The following ERBB4 variants were observed in gnomAD, a reference collection of about 807,000 sequenced individuals.
The protein encoded by ERBB4 is erb-b2 receptor tyrosine kinase 4.
ERBB4 carries 42 observed loss-of-function variants against 158.0 expected under a neutral mutation model. The ratio of observed to expected loss-of-function variants is 0.27; its 90% CI spans 0.21 to 0.34. The LOEUF (loss-of-function observed/expected upper bound fraction) is 0.34, where lower values mean the gene tolerates loss of function less well. ERBB4 is among the 10% of genes least tolerant of loss of function. ERBB4 has a pLI of 1.00. For missense variants in ERBB4, 1,333 were observed against 1,624.1 expected (o/e 0.82, Z 3.08); for synonymous variants, 583 against 558.7 (o/e 1.04, Z -0.61).
chr2:211,377,082 T>C lies in ERBB4; in HGVS notation c.*6533A>G, dbSNP rs1284177589. Reference sequence around the variant, plus strand: ...ATTACTGGAGTAATCCCAAAAGGGTTCTTGGAGTGCTATGGTTGTAGTCCC... The same window carrying C: ...ATTACTGGAGTAATCCCAAAAGGGTCCTTGGAGTGCTATGGTTGTAGTCCC... On this transcript the variant is annotated 3_prime_UTR_variant, in exon 28 of 28. Coordinates refer to ENST00000342788, the MANE Select transcript of ERBB4 (RefSeq NM_005235.3). 1 of 232,966 alleles carries C rather than the reference T, an allele frequency of 4.3e-6. No individual in the cohort carries two copies. Among genetic ancestry groups the C allele is most frequent in the Non-Finnish European group, 8.5e-6 (1 of 117,676 alleles). The allele number at this position is 232,966 out of a possible 1,614,324, so 14.4% of individuals were successfully genotyped here. A position where few individuals can be genotyped will look rare whatever the true frequency, so the allele number is the denominator to read the frequency against.
chr2:211,958,148 A>G (rs943022927), intron 2 of ERBB4, among the ~76,000 whole-genome samples: 2 of 152,124 alleles, frequency 1.3e-5, no homozygotes, highest in African/African-American at 4.8e-5. Flanking sequence ...TTGGCCATAA[A>G]AAACACAAAG....
At chr2:211,506,273 T>C (rs139074631) in intron 20 of ERBB4, among the ~76,000 whole-genome samples, 109 of 152,186 alleles carry the variant, frequency 7.2e-4, no homozygotes, top group African/African-American at 2.6e-3. Flanking sequence ...CAAATGCTAC[T>C]AGACCCAAGA....
intron 1 of ERBB4, among the ~76,000 whole-genome samples, chr2:212,444,273 C>T (rs2092308357): frequency 6.6e-6 from 1 of 152,180 alleles, no homozygotes; most frequent in African/African-American, 2.4e-5. Flanking sequence ...TAGGATAACC[C>T]TGAAGGACAG....
At chr2:211,499,320 C>T (rs542157893) in intron 20 of ERBB4, among the ~76,000 whole-genome samples, 2 of 151,986 alleles carry the variant, frequency 1.3e-5, no homozygotes, top group Admixed American at 6.6e-5. Context: ...GTCAGGAGAT[C>T]GAGACCATCC....
At chr2:211,878,013 A>G (rs1287044553) in intron 3 of ERBB4, among the ~76,000 whole-genome samples, 1 of 152,036 alleles carries the variant, frequency 6.6e-6, no homozygotes, top group Admixed American at 6.6e-5. Context: ...GAGGCTGAGG[A>G]AGCAGAATAT....
intron 4 of ERBB4, among the ~76,000 whole-genome samples, chr2:211,775,010 T>G (rs1226657949): frequency 6.6e-6 from 1 of 152,196 alleles, no homozygotes; most frequent in Non-Finnish European, 1.5e-5. Context: ...TGGCTGCTTT[T>G]GGGCCAACTG....
chr2:212,014,600 G>T (rs191673807), intron 2 of ERBB4, among the ~76,000 whole-genome samples: 82 of 152,060 alleles, frequency 5.4e-4, no homozygotes, highest in Middle Eastern at 3.4e-3. Context: ...TCAAATCTGG[G>T]CATTTATTTT....
intron 25 of ERBB4, among the ~76,000 whole-genome samples, chr2:211,398,003 T>C (rs1398225483): frequency 6.6e-6 from 1 of 152,148 alleles, no homozygotes; most frequent in Non-Finnish European, 1.5e-5. Flanking sequence ...GTCATACCCA[T>C]ATAACTAACA....
chr2:211,970,277 A>C (rs946430146), intron 2 of ERBB4, among the ~76,000 whole-genome samples: 1 of 152,246 alleles, frequency 6.6e-6, no homozygotes, highest in African/African-American at 2.4e-5. Context: ...GTTCTTTTGC[A>C]TTTACTGAGG....
At chr2:212,238,425 C>A (rs2083959263) in intron 1 of ERBB4, among the ~76,000 whole-genome samples, 1 of 152,142 alleles carries the variant, frequency 6.6e-6, no homozygotes, top group Non-Finnish European at 1.5e-5. Context: ...TAACCAGTCC[C>A]AGTGAGATGA....
At chr2:211,500,626 A>G (rs183040935) in intron 20 of ERBB4, among the ~76,000 whole-genome samples, 71 of 152,246 alleles carry the variant, frequency 4.7e-4, no homozygotes, top group African/African-American at 1.6e-3. Context: ...TACGAAATGA[A>G]AATGAAACAT....
At chr2:211,849,654 CTTTCT>C in intron 3 of ERBB4, among the ~76,000 whole-genome samples, 1 of 151,954 alleles carries the variant, frequency 6.6e-6, no homozygotes, top group East Asian at 1.9e-4. Flanking sequence ...CATTATTTTT[CTTTCT>C]TTTAAGGCAA....
intron 2 of ERBB4, among the ~76,000 whole-genome samples, chr2:212,036,997 G>A (rs947822711): frequency 2.0e-5 from 3 of 152,228 alleles, no homozygotes; most frequent in South Asian, 4.1e-4. Flanking sequence ...GCTATTTCTA[G>A]GCAAAAGAAA....
At chr2:212,172,719 G>C (rs376304611) in intron 1 of ERBB4, among the ~76,000 whole-genome samples, 3 of 151,986 alleles carry the variant, frequency 2.0e-5, no homozygotes, top group African/African-American at 7.2e-5. Context: ...CTTATAAGTG[G>C]GAGCTAAATG....
Position 211,947,372 on chromosome 2 carries a change from T to C in ERBB4, c.421+58A>G, listed in dbSNP as rs839541. On this transcript the variant is annotated intron_variant, in intron 3 of 27. Coordinates refer to ENST00000342788, the MANE Select transcript of ERBB4 (RefSeq NM_005235.3). ...ACAAATATGACAGTAACCCTACATATACAATTGCCTTATATTGATAATGAA... is the reference window on the plus strand; with the variant it reads ...ACAAATATGACAGTAACCCTACATACACAATTGCCTTATATTGATAATGAA... 355,732 of 1,355,306 alleles carry C rather than the reference T, an allele frequency of 0.26. 50,225 individuals carry two copies. Among genetic ancestry groups the C allele is most frequent in the South Asian group, 0.41 (35,141 of 84,968 alleles). The allele number at this position is 1,355,306 out of a possible 1,614,324, so 84.0% of individuals were successfully genotyped here. A position where few individuals can be genotyped will look rare whatever the true frequency, so the allele number is the denominator to read the frequency against.
chr2:211,516,654 C>T (rs2066042500), intron 20 of ERBB4, among the ~76,000 whole-genome samples: 1 of 152,026 alleles, frequency 6.6e-6, no homozygotes, highest in African/African-American at 2.4e-5. Context: ...TTTATTTCAT[C>T]CTTAACTACT....
intron 20 of ERBB4, among the ~76,000 whole-genome samples, chr2:211,446,598 T>G (rs1380571594): frequency 1.3e-5 from 2 of 152,150 alleles, no homozygotes; most frequent in African/African-American, 4.8e-5. Context: ...CACCAACAAA[T>G]GCATGGGATC....
At chr2:212,381,355 G>A (rs12994616) in intron 1 of ERBB4, among the ~76,000 whole-genome samples, 28,477 of 151,096 alleles carry the variant, frequency 0.19, 2,886 homozygotes, top group South Asian at 0.25. Context: ...GGTGCACTGA[G>A]GTTAATCTAA....
At chr2:211,913,442 A>T (rs1315050110) in intron 3 of ERBB4, among the ~76,000 whole-genome samples, 1 of 151,976 alleles carries the variant, frequency 6.6e-6, no homozygotes, top group Non-Finnish European at 1.5e-5. Context: ...CTCGACTAAA[A>T]CTACAAAAAT....
Sources: allele counts gnomAD v4.1 joint callset (sites outside exome capture counted in the v4.1 genomes callset), GRCh38; gene constraint gnomAD v4.1.1; transcripts MANE v1.5; gene names NCBI Gene and HGNC (gene_info 2026-07-23, HGNC 2026-07-21).